The following GAB3 variants were observed in gnomAD, a reference collection of about 807,000 sequenced individuals.
The protein encoded by GAB3 is GRB2-associated-binding protein 3.
GAB3 carries 12 observed loss-of-function variants against 40.4 expected under a neutral mutation model. The ratio of observed to expected loss-of-function variants is 0.30; its 90% CI spans 0.19 to 0.48. The LOEUF (loss-of-function observed/expected upper bound fraction) is 0.48. Among genes scored for constraint, GAB3 ranks in the 20% least tolerant of loss-of-function variants. GAB3 has a pLI of 0.99. For missense variants in GAB3, 381 were observed against 461.9 expected (o/e 0.82, Z 1.61); for synonymous variants, 154 against 176.7 (o/e 0.87, Z 1.02).
At chrX:154,731,671 C>T (rs1012576192) in intron 1 of GAB3, among the ~76,000 whole-genome samples, 15 of 111,317 alleles carry the variant, frequency 1.3e-4, no homozygotes, top group Non-Finnish European at 2.3e-4. Context: ...ATTGCCCAAG[C>T]TGAGTGCACA....
At position 154,700,079 on chromosome X, in the gene GAB3, G is replaced by A; in HGVS notation, c.1070-20C>T. On this transcript the variant is annotated intron_variant, in intron 4 of 9. Coordinates refer to ENST00000424127, the MANE Select transcript of GAB3 (RefSeq NM_001081573.3). The stretch of plus-strand genomic sequence containing the variant: ...CATCAGCTGCAAGAAATAAGCCAAG[G>A]TGGTGAGAAATGCAGAACAATATCA... 8.5e-7 allele frequency: 1 copy of A among 1,181,936 alleles called. No individual in the cohort carries two copies. The highest frequency in any genetic ancestry group is 1.1e-6 in the Non-Finnish European group (1 of 869,888).
rs781980357 is a variant in GAB3 at position 154,710,768 on chromosome X, G to C, written c.1069+1461C>G. On this transcript the variant is annotated intron_variant, in intron 4 of 9. Transcript: ENST00000424127. Reference sequence around the variant, plus strand: ...ATGGTCAAAACCTCTATTTTACTTAGTTTTAATCTTTGTTTGCCTTCATGT... The same window carrying C: ...ATGGTCAAAACCTCTATTTTACTTACTTTTAATCTTTGTTTGCCTTCATGT... Among the ~76,000 whole-genome samples the C allele has an allele frequency of 1.9e-4, 21 of 112,265 alleles. No homozygotes were observed. The East Asian group carries it at 5.5e-3, about 30-fold the overall frequency.
At chrX:154,716,543 G>A (rs1056587109) in intron 1 of GAB3, among the ~76,000 whole-genome samples, 1 of 112,640 alleles carries the variant, frequency 8.9e-6, no homozygotes, top group Admixed American at 9.3e-5. Context: ...GTCTAGTAAT[G>A]GGATTCACAC....
At chrX:154,751,290 G>T (rs1202374145), upstream of GAB3, among the ~76,000 whole-genome samples, 60 of 92,064 alleles carry the variant, frequency 6.5e-4, 1 homozygote, top group Admixed American at 5.7e-3. Flanking sequence ...TGCCCGGGGG[G>T]GGGGTGTGGG....
chrX:154,686,864 C>G (rs1405175698), intron 8 of GAB3, among the ~76,000 whole-genome samples: 4 of 111,136 alleles, frequency 3.6e-5, no homozygotes, highest in Non-Finnish European at 7.6e-5. Context: ...GTAAAAATTA[C>G]AAAATTATGA....
intron 1 of GAB3, among the ~76,000 whole-genome samples, chrX:154,718,574 T>G (rs1180623780): frequency 9.0e-6 from 1 of 110,665 alleles, no homozygotes; most frequent in Non-Finnish European, 1.9e-5. Flanking sequence ...TGGATGGGAG[T>G]AGAGCCACTA....
At chrX:154,737,905 G>A (rs2071386306) in intron 1 of GAB3, among the ~76,000 whole-genome samples, 1 of 111,783 alleles carries the variant, frequency 8.9e-6, no homozygotes, top group African/African-American at 3.3e-5. Context: ...CAGGAGAACT[G>A]CTTGAACCTG....
At chrX:154,695,265 A>G (rs2070638222) in intron 8 of GAB3, among the ~76,000 whole-genome samples, 2 of 111,981 alleles carry the variant, frequency 1.8e-5, no homozygotes, top group African/African-American at 6.5e-5. Flanking sequence ...ATCTTCAAAA[A>G]GCCCATGTTC....
rs1482173742 is a variant in GAB3, at chrX:154,677,270, A to G, written c.*908T>C. Reference sequence around the variant, plus strand: ...TGAAAGGGAGACAGGATGACTACTCATTTTGTGTCTGCAGGTGTTTCCCAC... The same window carrying G: ...TGAAAGGGAGACAGGATGACTACTCGTTTTGTGTCTGCAGGTGTTTCCCAC... On this transcript the variant is annotated 3_prime_UTR_variant, in exon 10 of 10. Transcript: ENST00000424127. The G allele has an allele frequency of 1.8e-5, 2 of 111,876 alleles. No individual in the cohort carries two copies. The highest frequency in any genetic ancestry group is 9.4e-5 in the Admixed American group (1 of 10,648). 9.2% of individuals were successfully genotyped at this position (111,876 alleles called of 1,213,427 possible).
At chrX:154,687,763 G>A (rs1444660991) in intron 8 of GAB3, among the ~76,000 whole-genome samples, 5 of 110,911 alleles carry the variant, frequency 4.5e-5, no homozygotes, top group African/African-American at 1.6e-4. Context: ...CAAGAATGAT[G>A]TTAGAGAAAA....
intron 8 of GAB3, among the ~76,000 whole-genome samples, chrX:154,685,463 A>G (rs1351063153): frequency 9.0e-6 from 1 of 111,644 alleles, no homozygotes; most frequent in African/African-American, 3.3e-5. Context: ...TTAAAAATAG[A>G]ATAAATGTAG....
chrX:154,694,319 G>A (rs2070617768), intron 8 of GAB3, among the ~76,000 whole-genome samples: 1 of 111,236 alleles, frequency 9.0e-6, no homozygotes, highest in African/African-American at 3.3e-5. Context: ...GACAGTCATT[G>A]ATCAGTGATT....
intron 8 of GAB3, among the ~76,000 whole-genome samples, chrX:154,695,111 A>G (rs782007593): frequency 8.9e-6 from 1 of 111,962 alleles, no homozygotes; most frequent in African/African-American, 3.2e-5. Context: ...AGCCTTGAAC[A>G]TTGTCCTTCT....
intron 1 of GAB3, among the ~76,000 whole-genome samples, chrX:154,746,081 GA>G (rs1219150692): frequency 2.0e-5 from 2 of 101,115 alleles, no homozygotes; most frequent in African/African-American, 7.3e-5. Flanking sequence ...AAGAAAGAAA[GA>G]AAATTTGTAG....
intron 1 of GAB3, among the ~76,000 whole-genome samples, chrX:154,736,132 C>T (rs782691614): frequency 1.5e-3 from 168 of 112,600 alleles, no homozygotes; most frequent in African/African-American, 5.1e-3. Flanking sequence ...CTAGTACTAG[C>T]GGTGCTAGTA....
chrX:154,710,299 A>G (rs781959457), intron 4 of GAB3, among the ~76,000 whole-genome samples: 26 of 111,759 alleles, frequency 2.3e-4, no homozygotes, highest in Non-Finnish European at 4.5e-4. Flanking sequence ...ATATATTTAT[A>G]TATGTGTGTC....
intron 4 of GAB3, among the ~76,000 whole-genome samples, chrX:154,707,702 C>G (rs1351648020): frequency 9.0e-6 from 1 of 111,320 alleles, no homozygotes; most frequent in Non-Finnish European, 1.9e-5. Context: ...CTTCTTATCC[C>G]ATGCAGTGAC....
rs1488680307 is a variant in GAB3 at position 154,696,014 on chromosome X, C to T, written c.1433G>A (p.Arg478Gln). The T allele has an allele frequency of 3.5e-6, 4 of 1,148,256 alleles. No homozygotes were observed. Among genetic ancestry groups the T allele is most frequent in the Non-Finnish European group, 4.8e-6 (4 of 841,229 alleles). The allele number at this position is 1,148,256 out of a possible 1,213,427, so 94.6% of individuals were successfully genotyped here. ...TCTTTCTGGAGAGAGAAAGCTGGTT[C>T]GACTGCTAAGAATAAAAATATAGAT... ...LTRTRTVPCS[R>Q]TSFLSPERNG... Residue 478 changes from arginine (R) to glutamine (Q), a missense_variant, in exon 8 of 10, where the codon CGA becomes CAA. Arg to Gln is a conservative substitution (Grantham distance 43, BLOSUM62 1). Coordinates refer to ENST00000424127, the MANE Select transcript of GAB3 (RefSeq NM_001081573.3).
intron 1 of GAB3, among the ~76,000 whole-genome samples, chrX:154,724,508 T>C (rs782723345): frequency 9.0e-6 from 1 of 111,344 alleles, no homozygotes; most frequent in South Asian, 3.8e-4. Context: ...TCTGAGGGCT[T>C]TTCCAGCTCT....
Sources: gnomAD v4.1 joint callset for allele counts (sites outside exome capture counted in the v4.1 genomes callset) on GRCh38, gnomAD v4.1.1 for gene constraint, MANE v1.5 for transcripts, NCBI Gene and HGNC (gene_info 2026-07-23, HGNC 2026-07-21) for gene names.